PCDHA2: variants seen among roughly 807,000 people sequenced by gnomAD.
PCDHA2 encodes protocadherin alpha 2.
Under a neutral mutation model 66.0 loss-of-function variants are expected in PCDHA2, and 58 were observed. The observed-to-expected ratio is 0.88, with a 90% confidence interval of 0.71 to 1.09. The LOEUF is 1.09. Among genes scored for constraint, PCDHA2 ranks in the 50% least tolerant of loss-of-function variants. PCDHA2 has a pLI of 0.00. For synonymous variants in PCDHA2, 634 were observed against 554.0 expected, an observed-to-expected ratio of 1.14 and a Z score of -2.03; for missense variants, 1,267 against 1,242.3, an observed-to-expected ratio of 1.02 and a Z score of -0.30.
intron 1 of PCDHA2, chr5:140,927,000 A>G (rs1554203899): frequency 1.2e-6 from 2 of 1,612,352 alleles, no homozygotes; most frequent in Non-Finnish European, 1.7e-6. Flanking sequence ...GCGTAGCCGT[A>G]GGCAATCTCT....
At chr5:140,868,966 A>G (rs2050768695) in intron 1 of PCDHA2, 1 of 1,433,890 alleles carries the variant, frequency 7.0e-7, no homozygotes, top group Non-Finnish European at 9.3e-7. Flanking sequence ...CATACAAAGG[A>G]ACTCCATCAT....
chr5:140,869,189 G>T (rs1554162601), intron 1 of PCDHA2: 1 of 1,613,836 alleles, frequency 6.2e-7, no homozygotes, highest in African/African-American at 1.3e-5. Flanking sequence ...GTGGGGAGCG[G>T]CCAGCTCCAC....
intron 1 of PCDHA2, among the ~76,000 whole-genome samples, chr5:140,903,538 C>G (rs562932214): frequency 7.9e-5 from 12 of 152,208 alleles, no homozygotes; most frequent in African/African-American, 2.6e-4. Context: ...TAAACTAGAG[C>G]AAGAAACTTT....
intron 1 of PCDHA2, among the ~76,000 whole-genome samples, chr5:140,964,981 T>C (rs2095867317): frequency 6.6e-6 from 1 of 152,188 alleles, no homozygotes; most frequent in Non-Finnish European, 1.5e-5. Context: ...ATGTGCTAGT[T>C]CAGGCCTTTG....
intron 1 of PCDHA2, chr5:140,876,422 A>G: frequency 1.2e-6 from 2 of 1,613,978 alleles, no homozygotes; most frequent in Non-Finnish European, 1.7e-6. Context: ...AATGCCTATG[A>G]AATTCAGGTT....
Position 140,836,318 on chromosome 5 carries a change from C to G in PCDHA2, c.2388+38966C>G, listed in dbSNP as rs1774367282. The G allele has an allele frequency of 1.9e-6, 3 of 1,613,634 alleles. No individual in the cohort carries two copies. Among genetic ancestry groups the G allele is most frequent in the Non-Finnish European group, 2.5e-6 (3 of 1,179,838 alleles). On this transcript the variant is annotated intron_variant, in intron 1 of 3. Coordinates refer to ENST00000526136, the MANE Select transcript of PCDHA2 (RefSeq NM_018905.3). ...TAGATGAGACGGACGCACCGCGCCA[C>G]CGCCTTCTGGTGCTTGTGAAGGACC... is the stretch of plus-strand genomic sequence containing the variant.
rs942944199 is a variant in PCDHA2, at chr5:140,796,423, A to T, written c.1459A>T (p.Asn487Tyr). The T allele has an allele frequency of 1.2e-6, 2 of 1,613,682 alleles. No homozygotes were observed. The highest frequency in any genetic ancestry group is 2.7e-5 in the African/African-American group (2 of 75,006). The change falls in exon 1 of 4, where the codon AAC (asparagine) becomes TAC (tyrosine). Residue 487 changes from asparagine to tyrosine, a missense_variant. By Grantham distance (143) the Asn-to-Tyr change is moderately radical (BLOSUM62 -2). Transcript: ENST00000526136. ...VSAWDADAQE[N>Y]ALVSYSLVER... ...AGCGTGGGATGCGGACGCGCAGGAG[A>T]ACGCGCTGGTGTCCTACTCGCTGGT...
chr5:140,838,087 T>TA (rs1775519591), intron 1 of PCDHA2, among the ~76,000 whole-genome samples: 48 of 97,638 alleles, frequency 4.9e-4, no homozygotes, highest in South Asian at 9.2e-4. Flanking sequence ...AGTGTGTGTG[T>TA]GTGTGTGTGT....
At chr5:140,824,627 T>TG (rs1379526597) in intron 1 of PCDHA2, 1 of 134,010 alleles carries the variant, frequency 7.5e-6, no homozygotes, top group East Asian at 2.0e-4. Flanking sequence ...TTTTTTTTTT[T>TG]TTTTTATTTT....
At position 140,850,659 on chromosome 5, in the gene PCDHA2, C is replaced by T. The variant is rs2150492526; in HGVS notation, c.2388+53307C>T. On this transcript the variant is annotated intron_variant, in intron 1 of 3. Coordinates refer to ENST00000526136, the MANE Select transcript of PCDHA2 (RefSeq NM_018905.3). ...CACGCTGCTGCTGTACACTGTGCTG[C>T]GGTGCTCGGCGATGCCCACCGAGGG... is the stretch of plus-strand genomic sequence containing the variant. 2.2e-5 allele frequency: 35 copies of T among 1,598,248 alleles called. No homozygotes were observed. The South Asian group carries it at 3.1e-4, about 14-fold the overall frequency.
At chr5:140,894,658 G>A (rs962936177) in intron 1 of PCDHA2, among the ~76,000 whole-genome samples, 4 of 151,172 alleles carry the variant, frequency 2.6e-5, no homozygotes, top group Non-Finnish European at 5.9e-5. Flanking sequence ...CTCTAATTCT[G>A]ATTTGTGTAT....
intron 1 of PCDHA2, among the ~76,000 whole-genome samples, chr5:140,960,124 T>C (rs966679082): frequency 3.3e-5 from 5 of 152,216 alleles, no homozygotes; most frequent in African/African-American, 1.2e-4. Flanking sequence ...GTATTCCTTA[T>C]GAAATACTTA....
At chr5:140,848,964 G>C in intron 1 of PCDHA2, 1 of 1,606,312 alleles carries the variant, frequency 6.2e-7, no homozygotes, top group Non-Finnish European at 8.5e-7. Flanking sequence ...ACTAGAGGGC[G>C]CGTCCGATGC....
rs2150153911 is a variant in PCDHA2 at position 140,828,315 on chromosome 5, T to C, written c.2388+30963T>C. 6.0e-5 allele frequency: 97 copies of C among 1,614,054 alleles called. No homozygotes were observed. The highest frequency in any genetic ancestry group is 6.7e-5 in the Admixed American group (4 of 60,014). ...GCCTCCAAAGACCGCGAGGACCTTC[T>C]GGAGGTAAATCTGCAGAATGGCATT... On this transcript the variant is annotated intron_variant, in intron 1 of 3. Coordinates refer to ENST00000526136, the MANE Select transcript of PCDHA2 (RefSeq NM_018905.3).
chr5:140,870,910 A>G (rs2052532769), intron 1 of PCDHA2: 1 of 1,613,930 alleles, frequency 6.2e-7, no homozygotes, highest in South Asian at 1.1e-5. Context: ...CTCAGGCTAC[A>G]ACGCGTGGCT....
intron 1 of PCDHA2, chr5:140,808,482 C>T (rs781996796): frequency 4.3e-6 from 7 of 1,614,014 alleles, no homozygotes; most frequent in African/African-American, 1.3e-5. Context: ...GACGGGGGCT[C>T]GCCTTCGCTG....
intron 1 of PCDHA2, among the ~76,000 whole-genome samples, chr5:140,889,020 TG>T (rs1554183734): frequency 1.3e-5 from 2 of 152,126 alleles, no homozygotes; most frequent in Non-Finnish European, 2.9e-5. Context: ...TCTACTTCCT[TG>T]GATAACCGTA....
rs782706957 is a variant in PCDHA2, at chr5:140,796,859, G to A, written c.1895G>A (p.Ser632Asn). ...FRVGLYTGEI[S>N]TTRALDEADS... is the part of the protein sequence containing the mutation. ...GTGGGGCTATACACGGGTGAGATCA[G>A]CACGACACGTGCCCTAGACGAGGCT... The change falls in exon 1 of 4, where the codon AGC becomes AAC. Residue 632 changes from serine to asparagine, a missense_variant. By Grantham distance (46) the Ser-to-Asn change is conservative. Coordinates refer to ENST00000526136, the MANE Select transcript of PCDHA2 (RefSeq NM_018905.3). 6.2e-7 allele frequency: 1 copy of A among 1,614,088 alleles called. No individual in the cohort carries two copies. The highest frequency in any genetic ancestry group is 2.2e-5 in the East Asian group (1 of 44,872).
intron 1 of PCDHA2, among the ~76,000 whole-genome samples, chr5:140,880,368 T>G (rs1372331901): frequency 6.6e-6 from 1 of 152,170 alleles, no homozygotes; most frequent in African/African-American, 2.4e-5. Context: ...ATGAAAACCA[T>G]GAGAGAATAG....
Sources: allele counts gnomAD v4.1 joint callset (sites outside exome capture counted in the v4.1 genomes callset), GRCh38; gene constraint gnomAD v4.1.1; transcripts MANE v1.5; gene names NCBI Gene and HGNC (gene_info 2026-07-23, HGNC 2026-07-21).